STXBP3: variants seen among roughly 807,000 people sequenced by gnomAD.
STXBP3 encodes the protein syntaxin binding protein 3, also known as syntaxin-binding protein 3.
STXBP3 carries 41 observed loss-of-function variants against 85.7 expected under a neutral mutation model. The ratio of observed to expected loss-of-function variants is 0.48; its 90% CI spans 0.37 to 0.62. The LOEUF (loss-of-function observed/expected upper bound fraction) is 0.62, where lower values mean the gene tolerates loss of function less well. STXBP3 is among the 20% of genes least tolerant of loss of function. The probability of loss-of-function intolerance (pLI) is 0.00; values close to 1 mark genes in which losing one functional copy is unlikely to be tolerated. For synonymous variants in STXBP3, 229 were observed against 231.7 expected (o/e 0.99, Z 0.10); for missense variants, 563 against 703.1 (o/e 0.80, Z 2.25).
At chr1:108,770,077 C>T (rs1304121505) in intron 6 of STXBP3, among the ~76,000 whole-genome samples, 1 of 152,080 alleles carries the variant, frequency 6.6e-6, no homozygotes, top group Non-Finnish European at 1.5e-5. Flanking sequence ...ATTGCTTGAG[C>T]CCAGGAGTAC....
chr1:108,763,521 CTAA>C (rs1321443453), intron 6 of STXBP3, among the ~76,000 whole-genome samples: 1 of 152,034 alleles, frequency 6.6e-6, no homozygotes, highest in Non-Finnish European at 1.5e-5. Context: ...GATGGTAACT[CTAA>C]TAAGAGTCAC....
At chr1:108,746,929 C>T (rs1570742640) in intron 1 of STXBP3, 143 bp downstream of exon 1, 3 of 788,124 alleles carry the variant, frequency 3.8e-6, no homozygotes, top group East Asian at 5.9e-5. Flanking sequence ...GGACTTCTTC[C>T]TGCTTTCCTG....
At chr1:108,754,732 A>G (rs1442684154) in intron 3 of STXBP3, among the ~76,000 whole-genome samples, 1 of 151,910 alleles carries the variant, frequency 6.6e-6, no homozygotes, top group Non-Finnish European at 1.5e-5. Flanking sequence ...AAGAGTCTTT[A>G]TATGCCAAGG....
At chr1:108,749,429 A>G (rs1235139501) in intron 1 of STXBP3, among the ~76,000 whole-genome samples, 6 of 152,186 alleles carry the variant, frequency 3.9e-5, no homozygotes, top group African/African-American at 1.2e-4. Context: ...TTGATGATGA[A>G]TATGGTCTCT....
At position 108,771,786 on chromosome 1, in the gene STXBP3, ATATC is replaced by A. The variant is rs1222102668; in HGVS notation, c.439-871_439-868del. 4.7e-3 allele frequency among the ~76,000 whole-genome samples: 196 copies of A among 41,882 alleles called. 57 individuals carry two copies. Among genetic ancestry groups the A allele is most frequent in the South Asian group, 0.02 (33 of 1,628 alleles). The allele number at this position is 41,882 out of a possible 152,430, so 27.5% of individuals were successfully genotyped here. ...TCTATATATCATATATAAATATATGATATCTATCTATATATATCATATATAAATA... is the reference window on the plus strand; with the variant it reads ...TCTATATATCATATATAAATATATGATATCTATATATATCATATATAAATA... On this transcript the variant is annotated intron_variant, in intron 6 of 18. Coordinates refer to ENST00000370008, the MANE Select transcript of STXBP3 (RefSeq NM_007269.4).
At chr1:108,797,137 T>G (rs562056554) in intron 15 of STXBP3, among the ~76,000 whole-genome samples, 1 of 151,992 alleles carries the variant, frequency 6.6e-6, no homozygotes, top group Non-Finnish European at 1.5e-5. Flanking sequence ...GGAGGATTTC[T>G]TGAGCCCAGG....
intron 17 of STXBP3, 24 bp downstream of exon 17, chr1:108,800,329 A>G (rs756517176): frequency 6.5e-7 from 1 of 1,542,898 alleles, no homozygotes; most frequent in Non-Finnish European, 8.9e-7. Context: ...GTGAAAATCA[A>G]TGAAATTTTC....
intron 6 of STXBP3, among the ~76,000 whole-genome samples, chr1:108,761,227 GAAAA>G (rs1489236642): frequency 6.6e-6 from 1 of 152,026 alleles, no homozygotes; most frequent in Non-Finnish European, 1.5e-5. Flanking sequence ...TTTTGACAAA[GAAAA>G]ATAATAATCC....
At chr1:108,756,184 G>C (rs1662013405) in intron 3 of STXBP3, among the ~76,000 whole-genome samples, 1 of 152,058 alleles carries the variant, frequency 6.6e-6, no homozygotes. Flanking sequence ...ATGTTCTGTT[G>C]TTGAAAAAAT....
intron 4 of STXBP3, 199 bp downstream of exon 4, chr1:108,756,965 CT>C: frequency 1.7e-5 from 6 of 363,528 alleles, no homozygotes; most frequent in East Asian, 4.4e-5. Flanking sequence ...AAAAGGATTC[CT>C]TTTTTCCCCA....
chr1:108,800,136 G>T, intron 16 of STXBP3, 84 bp from the exon 17 acceptor site: 1 of 905,440 alleles, frequency 1.1e-6, no homozygotes, highest in Admixed American at 1.8e-5. Flanking sequence ...TTCCTCAATT[G>T]CAAATGCAAG....
chr1:108,802,491 C>T (rs547194049), intron 17 of STXBP3, among the ~76,000 whole-genome samples: 8 of 152,230 alleles, frequency 5.3e-5, no homozygotes, highest in East Asian at 1.9e-4. Flanking sequence ...ATTTTGTACT[C>T]GCCTCACTGC....
intron 6 of STXBP3, among the ~76,000 whole-genome samples, chr1:108,762,844 A>T (rs1021870876): frequency 1.3e-5 from 2 of 152,162 alleles, no homozygotes; most frequent in African/African-American, 4.8e-5. Flanking sequence ...TCACATGCCA[A>T]CCAGTCTGTT....
At chr1:108,800,935 A>T (rs1044888008) in intron 17 of STXBP3, among the ~76,000 whole-genome samples, 1 of 152,116 alleles carries the variant, frequency 6.6e-6, no homozygotes, top group Non-Finnish European at 1.5e-5. Flanking sequence ...AATAATTTTC[A>T]TCAAATTTGG....
intron 6 of STXBP3, among the ~76,000 whole-genome samples, chr1:108,769,550 A>T (rs1234468003): frequency 6.6e-6 from 1 of 152,242 alleles, no homozygotes; most frequent in Non-Finnish European, 1.5e-5. Flanking sequence ...ATAGATTAGC[A>T]TGAAGAGTAG....
At chr1:108,796,056 G>A (rs1663088714) in intron 13 of STXBP3, among the ~76,000 whole-genome samples, 178 bp from the exon 14 acceptor site, 1 of 152,074 alleles carries the variant, frequency 6.6e-6, no homozygotes, top group Non-Finnish European at 1.5e-5. Flanking sequence ...TAGTACAGAT[G>A]GGGTTTTACC....
At chr1:108,776,233 AT>A (rs61686964) in intron 7 of STXBP3, 99 bp from the exon 8 acceptor site, 2 of 712,278 alleles carry the variant, frequency 2.8e-6, no homozygotes, top group East Asian at 3.1e-5. Context: ...TTTTGTAAAC[AT>A]TTTTTAAATT....
chr1:108,768,025 A>G (rs1376054291), intron 6 of STXBP3, among the ~76,000 whole-genome samples: 4 of 152,364 alleles, frequency 2.6e-5, no homozygotes, highest in Middle Eastern at 3.4e-3. Context: ...TTAGCTGGGC[A>G]TATATGGCTG....
chr1:108,752,322 C>T lies in STXBP3; in HGVS notation c.99+16C>T, dbSNP rs1183272826. On this transcript the variant is annotated intron_variant, in intron 2 of 18. Transcript: ENST00000370008. ...CGAATGGAAGGTAGAGTTTGCATAC[C>T]TTGCTCTTATAAAAAATAATACAAA... 3.1e-6 allele frequency: 5 copies of T among 1,608,236 alleles called. No individual in the cohort carries two copies. Among genetic ancestry groups the T allele is most frequent in the Middle Eastern group, 3.3e-4 (2 of 6,040 alleles).
Sources: allele counts gnomAD v4.1 joint callset (sites outside exome capture counted in the v4.1 genomes callset), GRCh38; gene constraint gnomAD v4.1.1; transcripts MANE v1.5; gene names NCBI Gene and HGNC (gene_info 2026-07-23, HGNC 2026-07-21).